The following SLC9A9 variants were observed in gnomAD, a reference collection of about 807,000 sequenced individuals.
SLC9A9 encodes the protein sodium/hydrogen exchanger 9.
In SLC9A9, 62 loss-of-function variants were observed where a neutral mutation model predicts 77.8. The ratio of observed to expected loss-of-function variants is 0.80; its 90% CI spans 0.65 to 0.98. The LOEUF (loss-of-function observed/expected upper bound fraction) is 0.98. SLC9A9 is among the 50% of genes least tolerant of loss of function. SLC9A9 has a pLI of 0.00. For missense variants in SLC9A9, 775 were observed against 774.9 expected (o/e 1.00, Z 0.00); for synonymous variants, 320 against 283.5 (o/e 1.13, Z -1.29).
chr3:143,770,852 A>T (rs2007491853), intron 4 of SLC9A9, among the ~76,000 whole-genome samples: 2 of 152,200 alleles, frequency 1.3e-5, no homozygotes, highest in South Asian at 4.1e-4. Context: ...AAGCACAAAA[A>T]GACAAAAGAT....
chr3:143,267,001 T>G (rs1937745313), intron 15 of SLC9A9, 72 bp from the exon 16 acceptor site: 3 of 1,488,638 alleles, frequency 2.0e-6, no homozygotes, highest in Non-Finnish European at 1.9e-6. Context: ...TACAATTTTT[T>G]TTTTTTTTTA....
chr3:143,574,135 A>T lies in SLC9A9; in HGVS notation c.953T>A (p.Leu318Gln). 2 of 1,613,658 alleles carry T rather than the reference A, an allele frequency of 1.2e-6. No homozygotes were observed. Among genetic ancestry groups the T allele is most frequent in the Non-Finnish European group, 1.7e-6 (2 of 1,179,684 alleles). The change falls in exon 8 of 16, where the codon CTG becomes CAG. Residue 318 changes from leucine to glutamine, a missense_variant. Transcript: ENST00000316549. Reference protein sequence around the residue: ...FPMLETGLFFLLSWSAFLSAE... With the variant: ...FPMLETGLFFQLSWSAFLSAE... The stretch of plus-strand genomic sequence containing the variant: ...AGACAGGAAGGCACTCCAAGAAAGC[A>T]GGAAAAACAGGCCGGTTTCCAGCAT...
At chr3:143,384,896 A>T (rs1042821178) in intron 12 of SLC9A9, among the ~76,000 whole-genome samples, 12 of 152,350 alleles carry the variant, frequency 7.9e-5, no homozygotes, top group African/African-American at 2.9e-4. Context: ...ACCACAGCTT[A>T]AGGGCCATGA....
At position 143,290,199 on chromosome 3, in the gene SLC9A9, G is replaced by A. The variant is rs115797508; in HGVS notation, c.1605-21219C>T. ...TAGGACAGAGTTAAAGGGGGCACCT[G>A]TACATACTGTACATAAATAATAGGC... On this transcript the variant is annotated intron_variant, in intron 14 of 15. Coordinates refer to ENST00000316549, the MANE Select transcript of SLC9A9 (RefSeq NM_173653.4). 4.0e-3 allele frequency among the ~76,000 whole-genome samples: 603 copies of A among 152,252 alleles called. 1 individual carries two copies. The highest frequency in any genetic ancestry group is 0.014 in the African/African-American group (570 of 41,528).
intron 9 of SLC9A9, among the ~76,000 whole-genome samples, chr3:143,536,778 A>C (rs569584942): frequency 5.3e-5 from 8 of 152,206 alleles, no homozygotes; most frequent in Non-Finnish European, 1.2e-4. Context: ...CCACCTACTC[A>C]CACAGAATAT....
rs567323154 is a variant in SLC9A9 at position 143,840,749 on chromosome 3, C to T, written c.175+7399G>A. Among the ~76,000 whole-genome samples, 3 of 152,016 alleles carry T rather than the reference C, an allele frequency of 2.0e-5. No individual in the cohort carries two copies. In the South Asian group the frequency reaches 6.2e-4, roughly 31 times the overall value. ...CTACCCTGACTTCATGGGACAGTTG[C>T]ATATCAAGAGCAGACTTGGATGAGA... On this transcript the variant is annotated intron_variant, in intron 1 of 15. Coordinates refer to ENST00000316549, the MANE Select transcript of SLC9A9 (RefSeq NM_173653.4).
intron 9 of SLC9A9, chr3:143,517,845 C>T: frequency 6.2e-7 from 1 of 1,600,692 alleles, no homozygotes; most frequent in Admixed American, 1.7e-5. Context: ...TTCTGGAGTT[C>T]ACCATCGTTT....
intron 13 of SLC9A9, among the ~76,000 whole-genome samples, chr3:143,367,401 A>G (rs4839627): frequency 0.73 from 111,352 of 152,096 alleles, 41,097 homozygotes; most frequent in East Asian, 1. Flanking sequence ...CATTTACACC[A>G]ATCCTAGATA....
chr3:143,621,561 G>C (rs1464543951), intron 6 of SLC9A9, among the ~76,000 whole-genome samples: 2 of 152,322 alleles, frequency 1.3e-5, no homozygotes, highest in African/African-American at 4.8e-5. Context: ...GGTCCTGACT[G>C]TTAGAAGGAA....
chr3:143,528,126 G>A (rs1180372973), intron 9 of SLC9A9, among the ~76,000 whole-genome samples: 1 of 152,194 alleles, frequency 6.6e-6, no homozygotes, highest in Non-Finnish European at 1.5e-5. Flanking sequence ...GTTACTCAAT[G>A]TAGAGAAAAC....
intron 14 of SLC9A9, among the ~76,000 whole-genome samples, chr3:143,278,113 G>A (rs1938107019): frequency 6.6e-6 from 1 of 152,180 alleles, no homozygotes; most frequent in African/African-American, 2.4e-5. Flanking sequence ...TCATGGGCAA[G>A]GATCCCAGGG....
Position 143,417,556 on chromosome 3 carries a change from A to G in SLC9A9, c.1470-35442T>C, listed in dbSNP as rs997466057. 3.3e-5 allele frequency among the ~76,000 whole-genome samples: 5 copies of G among 150,970 alleles called. No homozygotes were observed. The East Asian group carries it at 5.9e-4, about 18-fold the overall frequency. On this transcript the variant is annotated intron_variant, in intron 12 of 15. Coordinates refer to ENST00000316549, the MANE Select transcript of SLC9A9 (RefSeq NM_173653.4). ...AAAAAGGGATGGATGGAGGGAGGGA[A>G]AAAGGGATGGATGGAGAGAGAGAGA...
In SLC9A9 at chr3:143,725,295, T is replaced by A. The variant is rs543089846; in HGVS notation, c.534-31988A>T. Reference sequence around the variant, plus strand: ...ACTTTTACACTGTTGGTGGGACTGTTAACTAGTTCAACCATTGTGGAAGTC... The same window carrying A: ...ACTTTTACACTGTTGGTGGGACTGTAAACTAGTTCAACCATTGTGGAAGTC... On this transcript the variant is annotated intron_variant, in intron 4 of 15. Coordinates refer to ENST00000316549, the MANE Select transcript of SLC9A9 (RefSeq NM_173653.4). 7.7e-3 allele frequency among the ~76,000 whole-genome samples: 1,160 copies of A among 151,512 alleles called. 12 individuals carry two copies. The highest frequency in any genetic ancestry group is 0.024 in the African/African-American group (994 of 41,224).
chr3:143,482,259 T>C (rs2035586560), intron 11 of SLC9A9, among the ~76,000 whole-genome samples: 1 of 152,216 alleles, frequency 6.6e-6, no homozygotes, highest in African/African-American at 2.4e-5. Flanking sequence ...TATTTGAATG[T>C]GAACGAGTGC....
At chr3:143,681,962 G>A (rs1933113542) in intron 5 of SLC9A9, among the ~76,000 whole-genome samples, 2 of 152,034 alleles carry the variant, frequency 1.3e-5, no homozygotes, top group South Asian at 4.1e-4. Context: ...TACCACCAAC[G>A]TCCACAGATT....
Position 143,574,111 on chromosome 3 carries a change from G to C in SLC9A9, c.977C>G (p.Ser326Cys). The C allele has an allele frequency of 6.2e-7, 1 of 1,613,478 alleles. No individual in the cohort carries two copies. ...ACCTGTTAGGCCGGCAGCCTCGGCA[G>C]ACAGGAAGGCACTCCAAGAAAGCAG... ...FFLLSWSAFL[S>C]AEAAGLTGIV... The change falls in exon 8 of 16, where the codon TCT becomes TGT. Residue 326 changes from serine (S) to cysteine (C), a missense_variant. By Grantham distance (112) the Ser-to-Cys change is moderately radical (BLOSUM62 -1). Coordinates refer to ENST00000316549, the MANE Select transcript of SLC9A9 (RefSeq NM_173653.4).
intron 4 of SLC9A9, among the ~76,000 whole-genome samples, chr3:143,731,252 G>T (rs1934796913): frequency 6.6e-6 from 1 of 152,318 alleles, no homozygotes; most frequent in Non-Finnish European, 1.5e-5. Flanking sequence ...AAACAGTGTA[G>T]GAGTTCTGTT....
chr3:143,384,162 G>A (rs2033366885), intron 12 of SLC9A9, among the ~76,000 whole-genome samples: 1 of 151,572 alleles, frequency 6.6e-6, no homozygotes, highest in African/African-American at 2.4e-5. Flanking sequence ...GGGAAAGGAT[G>A]TCAGTGAGGA....
intron 5 of SLC9A9, among the ~76,000 whole-genome samples, chr3:143,664,980 T>G (rs1032307534): frequency 6.6e-6 from 1 of 152,176 alleles, no homozygotes; most frequent in Admixed American, 6.5e-5. Context: ...CTGCACCAAG[T>G]GGACCTAATA....
Sources: allele counts gnomAD v4.1 joint callset (sites outside exome capture counted in the v4.1 genomes callset), GRCh38; gene constraint gnomAD v4.1.1; transcripts MANE v1.5; gene names NCBI Gene and HGNC (gene_info 2026-07-23, HGNC 2026-07-21).